The following LATS2 variants were observed in gnomAD, a reference collection of about 807,000 sequenced individuals.
The protein encoded by LATS2 is serine/threonine-protein kinase LATS2.
In LATS2, 24 loss-of-function variants were observed where a neutral mutation model predicts 76.0. That is an observed-to-expected ratio of 0.32 (90% confidence interval 0.23 to 0.44). The LOEUF is 0.44. Among genes scored for constraint, LATS2 ranks in the 20% least tolerant of loss-of-function variants. LATS2 has a pLI of 1.00. For synonymous variants in LATS2, 692 were observed against 635.4 expected (o/e 1.09, Z -1.34); for missense variants, 1,286 against 1,481.2 (o/e 0.87, Z 2.16).
Position 21,032,143 on chromosome 13 carries a change from T to C in LATS2, c.342+13542A>G, listed in dbSNP as rs1347525414. Among the ~76,000 whole-genome samples the C allele has an allele frequency of 3.9e-5, 6 of 152,232 alleles. No individual in the cohort carries two copies. In the East Asian group the frequency reaches 5.8e-4, roughly 15 times the overall value. ...TGGATAAAAACAATACTGTTGATAATACGTTGCAGCAACACTGCATTCTAA... is the reference window on the plus strand; with the variant it reads ...TGGATAAAAACAATACTGTTGATAACACGTTGCAGCAACACTGCATTCTAA... On this transcript the variant is annotated intron_variant, in intron 2 of 7. Coordinates refer to ENST00000382592, the MANE Select transcript of LATS2 (RefSeq NM_014572.3).
chr13:21,000,648 C>T (rs1871001187), intron 2 of LATS2, among the ~76,000 whole-genome samples: 1 of 151,966 alleles, frequency 6.6e-6, no homozygotes, highest in African/African-American at 2.4e-5. Flanking sequence ...AGTTAGAGGC[C>T]ACATGGCCAC....
At chr13:21,045,219 T>C (rs1485682872) in intron 2 of LATS2, among the ~76,000 whole-genome samples, 2 of 151,896 alleles carry the variant, frequency 1.3e-5, no homozygotes, top group Non-Finnish European at 2.9e-5. Context: ...AATTGTTAAA[T>C]AGGAGAAAAC....
chr13:21,032,361 G>C (rs919824090), intron 2 of LATS2, among the ~76,000 whole-genome samples: 2 of 152,086 alleles, frequency 1.3e-5, no homozygotes, highest in Non-Finnish European at 2.9e-5. Flanking sequence ...TGCCTCCCCC[G>C]GGTTCAAGCA....
chr13:21,040,124 C>T (rs1026992626), intron 2 of LATS2, among the ~76,000 whole-genome samples: 3 of 151,348 alleles, frequency 2.0e-5, no homozygotes, highest in Admixed American at 6.6e-5. Flanking sequence ...TGGTGGCCCA[C>T]GCCAGTAATC....
intron 7 of LATS2, among the ~76,000 whole-genome samples, chr13:20,976,252 A>G (rs1428756286): frequency 6.6e-6 from 1 of 152,170 alleles, no homozygotes; most frequent in Admixed American, 6.5e-5. Context: ...GGGTGATGGG[A>G]CAGCGGATAA....
Position 20,988,824 on chromosome 13 carries a change from T to C in LATS2, c.956A>G (p.Lys319Arg), listed in dbSNP as rs760944913. Residue 319 changes from lysine to arginine, a missense_variant, in exon 4 of 8, where the codon AAG (lysine) becomes AGG (arginine). Lys to Arg is a conservative substitution (Grantham distance 26). This residue lies in a region of LATS2 where 710 missense variants were observed against 660.9 expected (regional missense o/e 1.07). Transcript: ENST00000382592. ...AGLYVPHPHHKQAGPAAHQLH... is the reference protein window; with the variant it reads ...AGLYVPHPHHRQAGPAAHQLH... The stretch of plus-strand genomic sequence containing the variant: ...CTGGTGGGCCGCGGGACCGGCCTGC[T>C]TGTGGTGTGGGTGCGGCACGTAGAG... 8 of 1,597,060 alleles carry C rather than the reference T, an allele frequency of 5.0e-6. No individual in the cohort carries two copies. Among genetic ancestry groups the C allele is most frequent in the Non-Finnish European group, 6.8e-6 (8 of 1,177,632 alleles).
Position 20,991,461 on chromosome 13 carries a change from A to G in LATS2, c.343-57T>C. 6.2e-7 allele frequency: 1 copy of G among 1,604,900 alleles called. No individual in the cohort carries two copies. The highest frequency in any genetic ancestry group is 1.7e-5 in the Admixed American group (1 of 59,872). ...TGTCATCCTAAAACAAAGCCACCAA[A>G]GACTCCCATCCCCACTCCGTGCTGG... On this transcript the variant is annotated intron_variant, in intron 2 of 7. Transcript: ENST00000382592. The surrounding 1 kb of genome is among the most constrained non-coding windows in gnomAD (Gnocchi z 4.9).
intron 2 of LATS2, among the ~76,000 whole-genome samples, chr13:21,039,872 G>A (rs184415578): frequency 4.6e-5 from 7 of 152,210 alleles, no homozygotes; most frequent in African/African-American, 9.6e-5. Flanking sequence ...TCAGGAGTTC[G>A]AGACCAACCT....
rs1401326108 is a variant in LATS2, at chr13:20,973,629, G to C, written c.*1241C>G. The C allele has an allele frequency of 4.3e-6, 1 of 231,424 alleles. No homozygotes were observed. Among genetic ancestry groups the C allele is most frequent in the East Asian group, 6.2e-5 (1 of 16,198 alleles). 14.3% of individuals were successfully genotyped at this position (231,424 alleles called of 1,614,324 possible). A position where few individuals can be genotyped will look rare whatever the true frequency, so the allele number is the denominator to read the frequency against. The stretch of plus-strand genomic sequence containing the variant: ...GAAGAATCTTTGCTTTTTTACAAAG[G>C]TTAGGAATATGTATTGTTTAAACCA... On this transcript the variant is annotated 3_prime_UTR_variant, in exon 8 of 8. Transcript: ENST00000382592.
intron 2 of LATS2, among the ~76,000 whole-genome samples, chr13:20,997,608 C>T (rs1229153225): frequency 6.6e-6 from 1 of 152,220 alleles, no homozygotes; most frequent in Non-Finnish European, 1.5e-5. Context: ...AAGCTGGCCT[C>T]ACCCAGCTCT....
rs1468841735 is a variant in LATS2 at position 21,019,782 on chromosome 13, T to C, written c.342+25903A>G. On this transcript the variant is annotated intron_variant, in intron 2 of 7. Coordinates refer to ENST00000382592, the MANE Select transcript of LATS2 (RefSeq NM_014572.3). ...TGAGGTCAGGAGTTCGAGACCAGCC[T>C]GGCCAACATGGCAAAACCCCATCTC... Among the ~76,000 whole-genome samples, 8 of 149,346 alleles carry C rather than the reference T, an allele frequency of 5.4e-5. No homozygotes were observed. In the South Asian group the frequency reaches 1.5e-3, roughly 29 times the overall value.
Position 20,991,887 on chromosome 13 carries a change from T to C in LATS2, c.343-483A>G, listed in dbSNP as rs1308070282. Among the ~76,000 whole-genome samples, 1 of 152,178 alleles carries C rather than the reference T, an allele frequency of 6.6e-6. No individual in the cohort carries two copies. Among genetic ancestry groups the C allele is most frequent in the Non-Finnish European group, 1.5e-5 (1 of 68,024 alleles). On this transcript the variant is annotated intron_variant, in intron 2 of 7. Transcript: ENST00000382592. The surrounding 1 kb of genome is among the most constrained non-coding windows in gnomAD (Gnocchi z 4.9). ...GAAGAGTCATATATTACACGCCTAC[T>C]GTTTACAATGCCCCATGCTGGCTAT...
chr13:21,007,573 A>ATATATATAG (rs1871333027), intron 2 of LATS2, among the ~76,000 whole-genome samples: 6 of 19,108 alleles, frequency 3.1e-4, no homozygotes, highest in South Asian at 1.8e-3. Flanking sequence ...ATATATATAT[A>ATATATATAG]TATATATATA....
chr13:21,008,553 C>G (rs1009576197), intron 2 of LATS2, among the ~76,000 whole-genome samples: 5 of 152,122 alleles, frequency 3.3e-5, no homozygotes, highest in Admixed American at 3.3e-4. Flanking sequence ...TTCATAAAGG[C>G]AGTGGTAAAG....
chr13:21,021,705 C>T (rs1235391386), intron 2 of LATS2, among the ~76,000 whole-genome samples: 1 of 152,162 alleles, frequency 6.6e-6, no homozygotes, highest in African/African-American at 2.4e-5. Context: ...TGATGTGTGG[C>T]TTAAAGATAA....
At chr13:21,058,959 A>G (rs1873536159) in intron 1 of LATS2, among the ~76,000 whole-genome samples, 1 of 151,910 alleles carries the variant, frequency 6.6e-6, no homozygotes, top group Admixed American at 6.6e-5. Context: ...AAAAACATAC[A>G]AAGCAGCTTA....
chr13:20,997,377 T>C (rs918639711), intron 2 of LATS2, among the ~76,000 whole-genome samples: 2 of 152,226 alleles, frequency 1.3e-5, no homozygotes, highest in African/African-American at 4.8e-5. Context: ...TTTGCCCATA[T>C]GCTATCTGAT....
chr13:20,998,742 G>C (rs888004153), intron 2 of LATS2, among the ~76,000 whole-genome samples: 4 of 151,860 alleles, frequency 2.6e-5, no homozygotes, highest in Non-Finnish European at 5.9e-5. Flanking sequence ...TTGTCAATGC[G>C]GGGCGAGGCG....
In LATS2 at chr13:21,018,414, G is replaced by A. The variant is rs562499048; in HGVS notation, c.343-27010C>T. On this transcript the variant is annotated intron_variant, in intron 2 of 7. Coordinates refer to ENST00000382592, the MANE Select transcript of LATS2 (RefSeq NM_014572.3). ...GGTTGACATGGAAAAACAAAATTCT[G>A]CCCTGGGGCAGATGAAAAGTACTGC... 2.0e-5 allele frequency among the ~76,000 whole-genome samples: 3 copies of A among 152,278 alleles called. No individual in the cohort carries two copies. In the East Asian group the frequency reaches 5.8e-4, roughly 29 times the overall value.
Sources: allele counts gnomAD v4.1 joint callset (sites outside exome capture counted in the v4.1 genomes callset), GRCh38; gene constraint gnomAD v4.1.1; regional missense constraint gnomAD v4.1.1; non-coding constraint Gnocchi (gnomAD v3.1); transcripts MANE v1.5; gene names NCBI Gene and HGNC (gene_info 2026-07-23, HGNC 2026-07-21).